Variants in GRM7 observed in about 807,000 individuals in gnomAD.
GRM7 encodes the protein glutamate metabotropic receptor 7.
GRM7 carries 35 observed loss-of-function variants against 84.5 expected under a neutral mutation model. That is an observed-to-expected ratio of 0.41 (90% CI 0.32 to 0.55). The LOEUF is 0.55. GRM7 is among the 20% of genes least tolerant of loss of function. The probability of loss-of-function intolerance (pLI) is 0.19; values close to 1 mark genes in which losing one functional copy is unlikely to be tolerated. For synonymous variants in GRM7, 487 were observed against 455.1 expected, an observed-to-expected ratio of 1.07 and a Z score of -0.89; for missense variants, 1,003 against 1,194.6, an observed-to-expected ratio of 0.84 and a Z score of 2.36.
intron 1 of GRM7, among the ~76,000 whole-genome samples, chr3:6,898,250 G>A (rs1696259078): frequency 6.6e-6 from 1 of 152,100 alleles, no homozygotes; most frequent in African/African-American, 2.4e-5. Context: ...TGCTTATTTG[G>A]CAGACCCAGA....
chr3:7,105,411 GTTCT>G (rs894542459), intron 1 of GRM7, among the ~76,000 whole-genome samples: 1 of 151,850 alleles, frequency 6.6e-6, no homozygotes, highest in African/African-American at 2.4e-5. Context: ...ATGGTAGCAA[GTTCT>G]TTAAGTCTCT....
intron 1 of GRM7, among the ~76,000 whole-genome samples, chr3:6,946,320 CT>C (rs1273069288): frequency 1.3e-5 from 2 of 152,148 alleles, no homozygotes. Context: ...ACAGGGAATC[CT>C]TTCCCCATTT....
intron 4 of GRM7, among the ~76,000 whole-genome samples, chr3:7,381,614 G>T (rs1373933889): frequency 6.6e-6 from 1 of 152,126 alleles, no homozygotes; most frequent in African/African-American, 2.4e-5. Flanking sequence ...TGAAGTATGG[G>T]ATTAGTTGAC....
intron 9 of GRM7, among the ~76,000 whole-genome samples, chr3:7,710,938 G>A (rs1464304949): frequency 6.6e-6 from 1 of 152,096 alleles, no homozygotes; most frequent in Non-Finnish European, 1.5e-5. Context: ...TTAGAGTCAC[G>A]TTTTCTGGGC....
chr3:7,017,537 AAAGT>A (rs1167363115), intron 1 of GRM7, among the ~76,000 whole-genome samples: 1 of 152,200 alleles, frequency 6.6e-6, no homozygotes, highest in Non-Finnish European at 1.5e-5. Flanking sequence ...AAGTATGTAA[AAAGT>A]AATGCTGTGG....
At chr3:7,710,908 C>A (rs774553007) in intron 9 of GRM7, among the ~76,000 whole-genome samples, 1 of 152,218 alleles carries the variant, frequency 6.6e-6, no homozygotes, top group Non-Finnish European at 1.5e-5. Context: ...CTCAACCTCA[C>A]GTTGCCTTCA....
chr3:7,368,913 G>T (rs1029713026), intron 4 of GRM7, among the ~76,000 whole-genome samples: 2 of 151,876 alleles, frequency 1.3e-5, no homozygotes, highest in Non-Finnish European at 2.9e-5. Flanking sequence ...GTTAAAATCA[G>T]TGTTTTTCAT....
intron 8 of GRM7, among the ~76,000 whole-genome samples, chr3:7,620,006 C>T (rs932130069): frequency 5.9e-5 from 9 of 152,106 alleles, no homozygotes; most frequent in African/African-American, 1.7e-4. Context: ...AAAATCCTGA[C>T]CACTCCTTAG....
intron 4 of GRM7, among the ~76,000 whole-genome samples, chr3:7,376,982 G>C (rs1451937624): frequency 2.0e-5 from 3 of 152,186 alleles, no homozygotes; most frequent in African/African-American, 7.2e-5. Context: ...TCCCCTGGGG[G>C]ACGAAATCAC....
chr3:7,478,334 T>C (rs1699003509), intron 7 of GRM7, among the ~76,000 whole-genome samples: 1 of 152,164 alleles, frequency 6.6e-6, no homozygotes, highest in South Asian at 2.1e-4. Flanking sequence ...TATCACTTCT[T>C]GTGATATGGG....
chr3:7,170,179 G>T (rs1197917934), intron 2 of GRM7, among the ~76,000 whole-genome samples: 1 of 152,158 alleles, frequency 6.6e-6, no homozygotes, highest in Non-Finnish European at 1.5e-5. Flanking sequence ...GAGAACTGGG[G>T]GAGTAAATCG....
chr3:6,977,394 T>C (rs1694042327), intron 1 of GRM7, among the ~76,000 whole-genome samples: 1 of 152,118 alleles, frequency 6.6e-6, no homozygotes, highest in African/African-American at 2.4e-5. Flanking sequence ...TGTGCGTGTG[T>C]GTTGGTGTGT....
At chr3:7,393,292 G>C (rs1048129485) in intron 4 of GRM7, among the ~76,000 whole-genome samples, 13 of 152,160 alleles carry the variant, frequency 8.5e-5, no homozygotes, top group Non-Finnish European at 2.9e-5. Flanking sequence ...AGTGCCTGCG[G>C]AATTCTGTGT....
At chr3:7,374,010 C>T (rs62235461) in intron 4 of GRM7, among the ~76,000 whole-genome samples, 87 of 152,248 alleles carry the variant, frequency 5.7e-4, no homozygotes, top group Non-Finnish European at 1.1e-3. Flanking sequence ...GGACATGTTC[C>T]ATGGGAGAGG....
intron 1 of GRM7, among the ~76,000 whole-genome samples, chr3:7,067,976 G>C (rs946647852): frequency 6.6e-6 from 1 of 151,846 alleles, no homozygotes; most frequent in Non-Finnish European, 1.5e-5. Context: ...CGAATATTCA[G>C]AACAACTATT....
At chr3:7,391,725 A>AAAG (rs1695003907) in intron 4 of GRM7, among the ~76,000 whole-genome samples, 1 of 151,836 alleles carries the variant, frequency 6.6e-6, no homozygotes. Flanking sequence ...AAAATATAAA[A>AAAG]AAGAAATGAG....
intron 1 of GRM7, among the ~76,000 whole-genome samples, chr3:7,002,048 G>A (rs916709824): frequency 3.9e-5 from 6 of 152,142 alleles, no homozygotes; most frequent in Admixed American, 2.0e-4. Context: ...AACATTCCAT[G>A]TTAATTAGTG....
chr3:7,053,953 A>T (rs542772741), intron 1 of GRM7, among the ~76,000 whole-genome samples: 1 of 151,258 alleles, frequency 6.6e-6, no homozygotes, highest in South Asian at 2.1e-4. Context: ...ACAAACTCTT[A>T]CTGTGACAAT....
intron 8 of GRM7, among the ~76,000 whole-genome samples, chr3:7,608,692 T>A (rs1696706863): frequency 6.6e-6 from 1 of 152,198 alleles, no homozygotes; most frequent in South Asian, 2.1e-4. Flanking sequence ...ATAGTTTCTT[T>A]TGCTGTGTAG....
Sources: gnomAD v4.1 joint callset for allele counts (sites outside exome capture counted in the v4.1 genomes callset) on GRCh38, gnomAD v4.1.1 for gene constraint, MANE v1.5 for transcripts, NCBI Gene and HGNC (gene_info 2026-07-23, HGNC 2026-07-21) for gene names.